SUCO: variants seen among roughly 807,000 people sequenced by gnomAD.
SUCO encodes SUN domain-containing ossification factor.
SUCO carries 57 observed loss-of-function variants against 148.1 expected under a neutral mutation model. That is an observed-to-expected ratio of 0.38 (90% CI 0.31 to 0.48). The LOEUF is 0.48. SUCO is among the 20% of genes least tolerant of loss of function. SUCO has a pLI of 0.96. For missense variants in SUCO, 1,331 were observed against 1,468.2 expected, an observed-to-expected ratio of 0.91 and a Z score of 1.53; for synonymous variants, 470 against 502.7, an observed-to-expected ratio of 0.93 and a Z score of 0.87.
intron 1 of SUCO, among the ~76,000 whole-genome samples, chr1:172,536,816 C>T (rs1398334266): frequency 6.6e-6 from 1 of 152,026 alleles, no homozygotes; most frequent in African/African-American, 2.4e-5. Context: ...ATTCTGTGGC[C>T]CCTTCCTCAC....
At chr1:172,584,665 C>T (rs558909780) in intron 15 of SUCO, among the ~76,000 whole-genome samples, 47 of 152,094 alleles carry the variant, frequency 3.1e-4, no homozygotes, top group Non-Finnish European at 6.3e-4. Context: ...CCCAGCTACT[C>T]GGGAGGCTGA....
In SUCO at chr1:172,585,857, G is replaced by T; in HGVS notation, c.1568-1G>T. On this transcript the variant is annotated splice_acceptor_variant, in intron 16 of 23. Transcript: ENST00000263688. LOFTEE classifies it high-confidence loss of function. ...AACATTGGGCATCTTTCTTAAAATA[G>T]GAAATAAAAGTATATCTGAGAATGC... is the stretch of plus-strand genomic sequence containing the variant. 6.3e-7 allele frequency: 1 copy of T among 1,584,298 alleles called. No homozygotes were observed. Among genetic ancestry groups the T allele is most frequent in the Non-Finnish European group, 8.6e-7 (1 of 1,164,212 alleles).
At chr1:172,560,195 G>C (rs1385484899) in intron 6 of SUCO, among the ~76,000 whole-genome samples, 4 of 152,182 alleles carry the variant, frequency 2.6e-5, no homozygotes, top group Non-Finnish European at 5.9e-5. Flanking sequence ...AAACGAGCAA[G>C]GACCAAAAAT....
At chr1:172,564,431 C>A (rs970147927) in intron 6 of SUCO, among the ~76,000 whole-genome samples, 1 of 152,178 alleles carries the variant, frequency 6.6e-6, no homozygotes, top group South Asian at 2.1e-4. Flanking sequence ...TGAGTTCTTG[C>A]GTGATCTGGT....
upstream of SUCO, chr1:172,532,684 T>A: frequency 6.2e-7 from 1 of 1,613,518 alleles, no homozygotes; most frequent in African/African-American, 1.3e-5. Context: ...ACTATAGACT[T>A]CTCTAACAAA....
chr1:172,543,546 G>A (rs1222068294), intron 1 of SUCO, among the ~76,000 whole-genome samples: 1 of 152,138 alleles, frequency 6.6e-6, no homozygotes, highest in Non-Finnish European at 1.5e-5. Flanking sequence ...TGTTTACTAA[G>A]TGCTTCTCTA....
At chr1:172,566,989 C>T (rs1654599154) in intron 6 of SUCO, among the ~76,000 whole-genome samples, 1 of 152,132 alleles carries the variant, frequency 6.6e-6, no homozygotes, top group Non-Finnish European at 1.5e-5. Flanking sequence ...TTGTCTTTTT[C>T]TGCCATGTAT....
chr1:172,597,315 A>T (rs1657184312), intron 19 of SUCO, among the ~76,000 whole-genome samples: 1 of 152,186 alleles, frequency 6.6e-6, no homozygotes, highest in Admixed American at 6.5e-5. Flanking sequence ...ACTGAGATGA[A>T]CCCAGTACCT....
At chr1:172,550,151 T>C (rs1463846568) in intron 1 of SUCO, among the ~76,000 whole-genome samples, 2 of 151,930 alleles carry the variant, frequency 1.3e-5, no homozygotes, top group Non-Finnish European at 2.9e-5. Context: ...ATTACTGTAG[T>C]TTCATATAGA....
In SUCO at chr1:172,610,294, G is replaced by T. The variant is rs373402261; in HGVS notation, c.*35G>T. 3 of 1,537,310 alleles carry T rather than the reference G, an allele frequency of 2.0e-6. No individual in the cohort carries two copies. Among genetic ancestry groups the T allele is most frequent in the African/African-American group, 1.4e-5 (1 of 71,892 alleles). Reference sequence around the variant, plus strand: ...AACTTTTCATACAGAAGACTTTTTTGTTGTTGTTCTTTGAAGAACAGTCTG... The same window carrying T: ...AACTTTTCATACAGAAGACTTTTTTTTTGTTGTTCTTTGAAGAACAGTCTG... On this transcript the variant is annotated 3_prime_UTR_variant, in exon 24 of 24. Transcript: ENST00000263688.
intron 9 of SUCO, among the ~76,000 whole-genome samples, chr1:172,571,321 G>A (rs982461161): frequency 2.6e-5 from 4 of 152,210 alleles, no homozygotes; most frequent in African/African-American, 4.8e-5. Flanking sequence ...TCGGCCTCCC[G>A]AGGTGCCGGG....
At position 172,565,788 on chromosome 1, in the gene SUCO, A is replaced by G. The variant is rs147833293; in HGVS notation, c.733-3231A>G. Among the ~76,000 whole-genome samples the G allele has an allele frequency of 1.8e-4, 27 of 152,382 alleles. 1 individual carries two copies. The East Asian group carries it at 5.2e-3, about 29-fold the overall frequency. On this transcript the variant is annotated intron_variant, in intron 6 of 23. Transcript: ENST00000263688. ...GATTGAAAATGAAATGACTGGTGGAATAATGAACTAGAAGGGCAAGGACCA... is the reference window on the plus strand; with the variant it reads ...GATTGAAAATGAAATGACTGGTGGAGTAATGAACTAGAAGGGCAAGGACCA...
At chr1:172,583,599 A>G (rs1193387390) in intron 15 of SUCO, among the ~76,000 whole-genome samples, 1 of 152,138 alleles carries the variant, frequency 6.6e-6, no homozygotes, top group Non-Finnish European at 1.5e-5. Context: ...ATCCTTTTCT[A>G]CTTTTCACAT....
At chr1:172,579,893 A>G (rs959789855) in intron 15 of SUCO, among the ~76,000 whole-genome samples, 4 of 152,268 alleles carry the variant, frequency 2.6e-5, no homozygotes, top group Admixed American at 2.6e-4. Context: ...AAAAATGTAA[A>G]ATTAACTACA....
Position 172,553,383 on chromosome 1 carries a change from G to A in SUCO, c.288+13G>A, listed in dbSNP as rs759177430. ...TGTGGATGTACAAGTAAGCTATGTC[G>A]CTTTGATTTTCAATAATATGTCATT... On this transcript the variant is annotated intron_variant, in intron 3 of 23. Coordinates refer to ENST00000263688, the MANE Select transcript of SUCO (RefSeq NM_014283.5). 16 of 1,538,882 alleles carry A rather than the reference G, an allele frequency of 1.0e-5. No individual in the cohort carries two copies. Among genetic ancestry groups the A allele is most frequent in the East Asian group, 2.3e-5 (1 of 43,508 alleles).
chr1:172,557,008 T>C, intron 4 of SUCO: 3 of 977,650 alleles, frequency 3.1e-6, no homozygotes, highest in Non-Finnish European at 3.6e-6. Context: ...AGTATAGTAA[T>C]GATGGAAATT....
intron 4 of SUCO, chr1:172,556,834 A>G (rs1011610928): frequency 6.0e-6 from 5 of 839,690 alleles, no homozygotes; most frequent in Non-Finnish European, 7.2e-6. Context: ...CTCCCATTAT[A>G]TTAAAAATGA....
intron 1 of SUCO, among the ~76,000 whole-genome samples, chr1:172,546,199 A>C (rs1652844668): frequency 6.6e-6 from 1 of 152,146 alleles, no homozygotes; most frequent in Non-Finnish European, 1.5e-5. Context: ...TCTTGGATTA[A>C]AGTATTAATC....
In SUCO at chr1:172,579,226, G is replaced by C; in HGVS notation, c.1457G>C (p.Gly486Ala). 1 of 1,598,340 alleles carries C rather than the reference G, an allele frequency of 6.3e-7. No homozygotes were observed. ...DYDYPLDYNT[G>A]EDKSSKNLLG... ...GATTATCCACTGGATTATAATACTG[G>C]AGAGGATAAATCCTCAAAAAATCTT... The change falls in exon 15 of 24, where the codon GGA (glycine) becomes GCA (alanine). Residue 486 changes from glycine to alanine, a missense_variant. By Grantham distance (60) the Gly-to-Ala change is moderately conservative. Around this residue, in one of 3 missense-constraint regions of SUCO, gnomAD observed 992 missense variants for 1,093.5 expected, o/e 0.91. Transcript: ENST00000263688.
Sources: gnomAD v4.1 joint callset for allele counts (sites outside exome capture counted in the v4.1 genomes callset) on GRCh38, gnomAD v4.1.1 for gene constraint, gnomAD v4.1.1 regional missense constraint, MANE v1.5 for transcripts, NCBI Gene and HGNC (gene_info 2026-07-23, HGNC 2026-07-21) for gene names.